ANKRD30B: variants seen among roughly 807,000 people sequenced by gnomAD.
ANKRD30B encodes the protein ankyrin repeat domain 30B.
In ANKRD30B, 144 loss-of-function variants were observed where a neutral mutation model predicts 202.2. The observed-to-expected ratio is 0.71, with a 90% CI of 0.62 to 0.82. The LOEUF is 0.82. Ranked by LOEUF, ANKRD30B falls within the 40% of genes least tolerant of loss-of-function variation. The pLI, the probability that ANKRD30B is intolerant of heterozygous loss-of-function variation, is 0.00. For missense variants in ANKRD30B, 1,487 were observed against 1,669.1 expected (o/e 0.89, Z 1.90); for synonymous variants, 508 against 561.3 (o/e 0.91, Z 1.34).
At chr18:14,755,763 A>T (rs1344302977) in intron 4 of ANKRD30B, among the ~76,000 whole-genome samples, 1 of 152,152 alleles carries the variant, frequency 6.6e-6, no homozygotes, top group East Asian at 1.9e-4. Context: ...ATAGTATTCC[A>T]TGGTGTATAT....
intron 40 of ANKRD30B, 150 bp downstream of exon 40, chr18:14,849,079 T>C (rs966803213): frequency 1.4e-5 from 12 of 865,776 alleles, no homozygotes; most frequent in East Asian, 3.5e-5. Flanking sequence ...ATAATAAAAG[T>C]TCTTAAATGT....
intron 1 of ANKRD30B, among the ~76,000 whole-genome samples, chr18:14,751,364 C>G (rs537281917): frequency 1.3e-5 from 2 of 152,130 alleles, no homozygotes; most frequent in East Asian, 3.9e-4. Context: ...GTAGAAGATA[C>G]ATTCTATTAA....
chr18:14,854,675 C>T (rs1972019169), downstream of ANKRD30B, among the ~76,000 whole-genome samples: 1 of 152,082 alleles, frequency 6.6e-6, no homozygotes, highest in African/African-American at 2.4e-5. Context: ...ACACAAATTT[C>T]CTTGTTTTGT....
At chr18:14,871,766 T>A in the ANKRD30B span, among the ~76,000 whole-genome samples, 1 of 152,048 alleles carries the variant, frequency 6.6e-6, no homozygotes, top group Non-Finnish European at 1.5e-5. Flanking sequence ...CCATGGTGGC[T>A]ATATTCCCAG....
chr18:14,796,264 A>T lies in ANKRD30B; in HGVS notation c.1854+15A>T. The T allele has an allele frequency of 6.2e-7, 1 of 1,608,316 alleles. No homozygotes were observed. The highest frequency in any genetic ancestry group is 1.1e-5 in the South Asian group (1 of 90,846). On this transcript the variant is annotated intron_variant, in intron 17 of 43. Transcript: ENST00000690538. Reference sequence around the variant, plus strand: ...GTCTTCTGAAGGTAATAACTTTTATATTGCTATCTTGAATACTAACTACAT... The same window carrying T: ...GTCTTCTGAAGGTAATAACTTTTATTTTGCTATCTTGAATACTAACTACAT...
chr18:14,842,869 C>G, intron 37 of ANKRD30B, 28 bp from the exon 38 acceptor site: 1 of 1,547,756 alleles, frequency 6.5e-7, no homozygotes, highest in Non-Finnish European at 8.7e-7. Flanking sequence ...TTACTTATGA[C>G]TGATAATAAA....
chr18:14,898,620 C>T, the ANKRD30B span, among the ~76,000 whole-genome samples: 2 of 152,050 alleles, frequency 1.3e-5, no homozygotes, highest in African/African-American at 2.4e-5. Context: ...ATTAAACATT[C>T]GATTCCTTTT....
chr18:14,818,622 T>G (rs1434642611), intron 30 of ANKRD30B, among the ~76,000 whole-genome samples: 1 of 151,388 alleles, frequency 6.6e-6, no homozygotes, highest in East Asian at 2.0e-4. Flanking sequence ...TTTGGTTTCT[T>G]GTTCTTGTGA....
downstream of ANKRD30B, among the ~76,000 whole-genome samples, chr18:14,858,837 G>A (rs1321953758): frequency 1.0e-4 from 11 of 108,842 alleles, no homozygotes; most frequent in African/African-American, 3.9e-4. Context: ...TTTCCCAGAC[G>A]GGGTGGCCAG....
chr18:14,833,765 CAT>C (rs1220880216), intron 34 of ANKRD30B, among the ~76,000 whole-genome samples: 3 of 152,198 alleles, frequency 2.0e-5, no homozygotes, highest in Admixed American at 2.0e-4. Flanking sequence ...TATTTCATCA[CAT>C]GTCTTAGGGT....
At chr18:14,815,733 T>C (rs1022943980) in intron 30 of ANKRD30B, among the ~76,000 whole-genome samples, 3 of 152,182 alleles carry the variant, frequency 2.0e-5, no homozygotes, top group Non-Finnish European at 4.4e-5. Flanking sequence ...ACATAGAAAA[T>C]GTTATTAATA....
the ANKRD30B span, among the ~76,000 whole-genome samples, chr18:14,907,613 A>G: frequency 8.5e-5 from 13 of 152,200 alleles, no homozygotes; most frequent in Admixed American, 7.2e-4. Flanking sequence ...ATGCACTGAA[A>G]TTAGCACAGC....
chr18:14,795,041 G>A (rs1968780643), intron 16 of ANKRD30B, among the ~76,000 whole-genome samples: 1 of 152,108 alleles, frequency 6.6e-6, no homozygotes, highest in Non-Finnish European at 1.5e-5. Context: ...ATAACAAATA[G>A]AATTAGTTTT....
At chr18:14,919,942 G>A in the ANKRD30B span, among the ~76,000 whole-genome samples, 1 of 152,324 alleles carries the variant, frequency 6.6e-6, no homozygotes, top group African/African-American at 2.4e-5. Flanking sequence ...TAGTGGCTCT[G>A]GGGAAGGCCC....
At chr18:14,876,407 C>T in the ANKRD30B span, among the ~76,000 whole-genome samples, 1 of 152,194 alleles carries the variant, frequency 6.6e-6, no homozygotes, top group Non-Finnish European at 1.5e-5. Flanking sequence ...TTCTCAGAGT[C>T]AGTTGGAGTG....
the ANKRD30B span, among the ~76,000 whole-genome samples, chr18:14,867,917 G>T: frequency 6.6e-6 from 1 of 152,240 alleles, no homozygotes; most frequent in Non-Finnish European, 1.5e-5. Flanking sequence ...TTCTGGCATT[G>T]TCTGCCCAGC....
the ANKRD30B span, among the ~76,000 whole-genome samples, chr18:14,880,514 T>C: frequency 1.3e-5 from 2 of 151,876 alleles, no homozygotes; most frequent in Admixed American, 6.6e-5. Flanking sequence ...TCCAAGAGCA[T>C]GGGGATGCGT....
At position 14,760,616 on chromosome 18, in the gene ANKRD30B, C is replaced by A. The variant is rs1446711392; in HGVS notation, c.818C>A (p.Pro273Gln). The change falls in exon 6 of 44, where the codon CCA (proline) becomes CAA (glutamine). Residue 273 changes from proline (P) to glutamine (Q), a missense_variant and splice_region_variant. Pro to Gln is a moderately conservative substitution (Grantham distance 76). Around this residue, in one of 6 missense-constraint regions of ANKRD30B, gnomAD observed 889 missense variants for 841.4 expected, o/e 1.06. Transcript: ENST00000690538. ...KLPKNPQNTN[P>Q]EGTSTGTPDE... ...CCTAAAAATCCTCAAAATACCAATC[C>A]AGGTAAGACTTCGGATAGCAAACTA... 3.9e-6 allele frequency: 6 copies of A among 1,533,336 alleles called. No individual in the cohort carries two copies. The highest frequency in any genetic ancestry group is 5.3e-6 in the Non-Finnish European group (6 of 1,137,234). The allele number at this position is 1,533,336 out of a possible 1,614,324, so 95.0% of individuals were successfully genotyped here. A position where few individuals can be genotyped will look rare whatever the true frequency, so the allele number is the denominator to read the frequency against.
chr18:14,851,920 G>A lies in ANKRD30B; in HGVS notation c.3976G>A (p.Gly1326Arg). ...KNQELAFHSA[G>R]DAPLQGIMNV... Reference sequence around the variant, plus strand: ...CCAAGAACTTGCTTTCCACAGTGCAGGAGATGCTCCTTTGCAAGGAATAAT... The same window carrying A: ...CCAAGAACTTGCTTTCCACAGTGCAAGAGATGCTCCTTTGCAAGGAATAAT... Residue 1326 changes from glycine to arginine, a missense_variant, in exon 42 of 44, where the codon GGA becomes AGA. By Grantham distance (125) the Gly-to-Arg change is moderately radical. Around this residue, in one of 6 missense-constraint regions of ANKRD30B, gnomAD observed 182 missense variants for 216.0 expected, o/e 0.84. Coordinates refer to ENST00000690538, the MANE Select transcript of ANKRD30B (RefSeq NM_001367607.2). 6.2e-7 allele frequency: 1 copy of A among 1,604,054 alleles called. No homozygotes were observed.
Sources: gnomAD v4.1 joint callset for allele counts (sites outside exome capture counted in the v4.1 genomes callset) on GRCh38, gnomAD v4.1.1 for gene constraint, gnomAD v4.1.1 regional missense constraint, MANE v1.5 for transcripts, NCBI Gene and HGNC (gene_info 2026-07-23, HGNC 2026-07-21) for gene names.